Variants in GRB10 observed in about 807,000 individuals in gnomAD.
The protein encoded by GRB10 is growth factor receptor bound protein 10, also known as growth factor receptor-bound protein 10.
Under a neutral mutation model 80.9 loss-of-function variants are expected in GRB10, and 20 were observed. That is an observed-to-expected ratio of 0.25 (90% CI 0.17 to 0.36). The LOEUF is 0.36. Among genes scored for constraint, GRB10 ranks in the 10% least tolerant of loss-of-function variants. The pLI, the probability that GRB10 is intolerant of heterozygous loss-of-function variation, is 1.00. For missense variants in GRB10, 548 were observed against 747.7 expected (o/e 0.73, Z 3.12); for synonymous variants, 291 against 291.5 (o/e 1.00, Z 0.02).
intron 13 of GRB10, among the ~76,000 whole-genome samples, chr7:50,611,054 C>T (rs879454056): frequency 1.3e-5 from 2 of 151,978 alleles, no homozygotes; most frequent in Admixed American, 6.6e-5. Flanking sequence ...CAACCATATA[C>T]AGACAGCTTC....
chr7:50,731,921 G>A (rs2069812485), intron 4 of GRB10, among the ~76,000 whole-genome samples: 1 of 152,228 alleles, frequency 6.6e-6, no homozygotes, highest in African/African-American at 2.4e-5. Context: ...CATCAGGAGT[G>A]TCTGGCCCGA....
At chr7:50,726,322 C>T (rs1046729582) in intron 4 of GRB10, among the ~76,000 whole-genome samples, 2 of 152,002 alleles carry the variant, frequency 1.3e-5, no homozygotes, top group Non-Finnish European at 2.9e-5. Flanking sequence ...CGCTTGAACC[C>T]GGGAGGTGGG....
intron 4 of GRB10, among the ~76,000 whole-genome samples, chr7:50,713,876 GCTCCTC>G (rs1306332373): frequency 2.7e-5 from 4 of 148,438 alleles, no homozygotes; most frequent in Non-Finnish European, 4.5e-5. Context: ...CTCACCTCTA[GCTCCTC>G]CTCCTCCTCC....
intron 3 of GRB10, among the ~76,000 whole-genome samples, chr7:50,744,894 C>T (rs932349765): frequency 6.6e-6 from 1 of 152,228 alleles, no homozygotes; most frequent in African/African-American, 2.4e-5. Flanking sequence ...GTGATGATTT[C>T]ATACAGCACC....
At chr7:50,606,188 G>A (rs892092890) in intron 14 of GRB10, 149 bp downstream of exon 14, 17 of 762,956 alleles carry the variant, frequency 2.2e-5, no homozygotes, top group African/African-American at 1.4e-4. Context: ...CAAAACCCAC[G>A]TCATCGTGGG....
chr7:50,618,213 T>G (rs1278332329), intron 9 of GRB10, 74 bp from the exon 10 acceptor site: 27 of 1,132,728 alleles, frequency 2.4e-5, no homozygotes, highest in Non-Finnish European at 2.1e-5. Context: ...TATAGATATG[T>G]CAATTTTAAA....
At chr7:50,646,007 C>A (rs957610631) in intron 7 of GRB10, among the ~76,000 whole-genome samples, 9 of 152,272 alleles carry the variant, frequency 5.9e-5, no homozygotes, top group African/African-American at 1.9e-4. Context: ...CTTATAAATA[C>A]ATAAAACTTC....
chr7:50,774,254 CT>C (rs1256045147), intron 2 of GRB10, among the ~76,000 whole-genome samples: 3 of 152,128 alleles, frequency 2.0e-5, no homozygotes, highest in African/African-American at 7.2e-5. Context: ...TGCAGGGTCT[CT>C]TTTTGTTCTA....
intron 3 of GRB10, among the ~76,000 whole-genome samples, chr7:50,754,406 C>T (rs2074705451): frequency 6.6e-6 from 1 of 152,212 alleles, no homozygotes; most frequent in Admixed American, 6.5e-5. Flanking sequence ...CAGCACAGCC[C>T]ACTTCCCTGG....
chr7:50,638,872 G>C (rs531945593), intron 7 of GRB10, among the ~76,000 whole-genome samples: 1 of 137,832 alleles, frequency 7.3e-6, no homozygotes, highest in Non-Finnish European at 1.6e-5. Flanking sequence ...TGGATTTAAA[G>C]AGTGGTAATA....
At chr7:50,741,431 G>A (rs1383991794) in intron 3 of GRB10, among the ~76,000 whole-genome samples, 1 of 152,038 alleles carries the variant, frequency 6.6e-6, no homozygotes, top group Non-Finnish European at 1.5e-5. Context: ...CTCCCAGCCT[G>A]CATGCAGCTG....
At chr7:50,683,913 G>A (rs1259600874) in intron 5 of GRB10, among the ~76,000 whole-genome samples, 2 of 152,114 alleles carry the variant, frequency 1.3e-5, no homozygotes, top group African/African-American at 4.8e-5. Context: ...TAAAGGACCA[G>A]GACAAGGCTA....
At chr7:50,753,401 C>G (rs1281382826) in intron 3 of GRB10, among the ~76,000 whole-genome samples, 1 of 152,210 alleles carries the variant, frequency 6.6e-6, no homozygotes, top group African/African-American at 2.4e-5. Flanking sequence ...GGCACCTGGA[C>G]AGTGCCAGGT....
rs1302434887 is a variant in GRB10 at position 50,756,034 on chromosome 7, C to A, written c.-194G>T. On this transcript the variant is annotated 5_prime_UTR_variant, in exon 3 of 19. Coordinates refer to ENST00000401949, the MANE Select transcript of GRB10 (RefSeq NM_001350814.2). ...GGGCCTGCAGCTGCTGCTTCCTGCT[C>A]AGCATTGTGGTCAGCGCCAAAGCTG... 2.5e-6 allele frequency: 1 copy of A among 398,756 alleles called. No individual in the cohort carries two copies. The highest frequency in any genetic ancestry group is 1.3e-4 in the South Asian group (1 of 7,860). 24.7% of individuals were successfully genotyped at this position (398,756 alleles called of 1,614,324 possible).
At chr7:50,634,937 A>C (rs78767533) in intron 7 of GRB10, among the ~76,000 whole-genome samples, 4,666 of 152,354 alleles carry the variant, frequency 0.031, 226 homozygotes, top group African/African-American at 0.1. Context: ...ATACCATAAT[A>C]GTGGGGGGCT....
intron 3 of GRB10, among the ~76,000 whole-genome samples, chr7:50,752,743 T>G (rs2074344674): frequency 6.6e-6 from 1 of 152,166 alleles, no homozygotes; most frequent in South Asian, 2.1e-4. Context: ...CAGAGCTCTT[T>G]CCTTGAGGCT....
At chr7:50,709,009 A>G (rs1007612972) in intron 4 of GRB10, among the ~76,000 whole-genome samples, 1 of 152,106 alleles carries the variant, frequency 6.6e-6, no homozygotes, top group African/African-American at 2.4e-5. Context: ...CTTAATCACT[A>G]TGCTCTCTAC....
chr7:50,762,628 C>T (rs890588874), intron 2 of GRB10, among the ~76,000 whole-genome samples: 3 of 152,112 alleles, frequency 2.0e-5, no homozygotes, highest in African/African-American at 4.8e-5. Flanking sequence ...CAGTAAGATC[C>T]CACGGTCATA....
chr7:50,722,807 T>C (rs563913887), intron 4 of GRB10, among the ~76,000 whole-genome samples: 1 of 152,182 alleles, frequency 6.6e-6, no homozygotes, highest in African/African-American at 2.4e-5. Flanking sequence ...CCTCAGAAGC[T>C]GCCCTCAATG....
Sources: gnomAD v4.1 joint callset for allele counts (sites outside exome capture counted in the v4.1 genomes callset) on GRCh38, gnomAD v4.1.1 for gene constraint, MANE v1.5 for transcripts, NCBI Gene and HGNC (gene_info 2026-07-23, HGNC 2026-07-21) for gene names.